Variants in KCNQ3 observed in about 807,000 individuals in gnomAD.
KCNQ3 encodes potassium voltage-gated channel subfamily Q member 3, also known as potassium voltage-gated channel subfamily KQT member 3.
In KCNQ3, 30 loss-of-function variants were observed where a neutral mutation model predicts 92.5. That is an observed-to-expected ratio of 0.32 (90% CI 0.24 to 0.44). KCNQ3 has a LOEUF of 0.44. KCNQ3 is among the 20% of genes least tolerant of loss of function. The probability of loss-of-function intolerance (pLI) is 1.00; values close to 1 mark genes in which losing one functional copy is unlikely to be tolerated. For missense variants in KCNQ3, 913 were observed against 1,140.3 expected, an observed-to-expected ratio of 0.80 and a Z score of 2.87; for synonymous variants, 450 against 468.8, an observed-to-expected ratio of 0.96 and a Z score of 0.52.
At chr8:132,435,634 G>C (rs1260310652) in intron 1 of KCNQ3, among the ~76,000 whole-genome samples, 3 of 152,178 alleles carry the variant, frequency 2.0e-5, no homozygotes, top group African/African-American at 7.2e-5. Flanking sequence ...GTAGTGAACA[G>C]GAGCTCAAGG....
At chr8:132,240,850 C>T (rs961523461) in intron 1 of KCNQ3, among the ~76,000 whole-genome samples, 10 of 151,986 alleles carry the variant, frequency 6.6e-5, no homozygotes, top group Non-Finnish European at 1.2e-4. Flanking sequence ...TGTATGTTAA[C>T]TCCTTTAATT....
intron 1 of KCNQ3, among the ~76,000 whole-genome samples, chr8:132,337,214 C>T (rs941989333): frequency 3.3e-5 from 5 of 152,178 alleles, no homozygotes; most frequent in Non-Finnish European, 5.9e-5. Context: ...CTGAGCATGG[C>T]GGCTCATGCC....
At chr8:132,270,697 A>G (rs1421013938) in intron 1 of KCNQ3, among the ~76,000 whole-genome samples, 5 of 152,216 alleles carry the variant, frequency 3.3e-5, no homozygotes, top group Non-Finnish European at 7.3e-5. Context: ...AATATCTACA[A>G]TATGTATTTT....
chr8:132,159,750 G>A (rs952928963), intron 9 of KCNQ3, among the ~76,000 whole-genome samples: 2 of 152,206 alleles, frequency 1.3e-5, no homozygotes, highest in African/African-American at 4.8e-5. Flanking sequence ...TCTGATGGCT[G>A]CCTATGTGAA....
Position 132,134,290 on chromosome 8 carries a change from C to T in KCNQ3, c.1799G>A (p.Arg600Lys), listed in dbSNP as rs1554622023. 1 of 1,612,830 alleles carries T rather than the reference C, an allele frequency of 6.2e-7. No individual in the cohort carries two copies. Among genetic ancestry groups the T allele is most frequent in the Non-Finnish European group, 8.5e-7 (1 of 1,179,110 alleles). ...ATCAGTCCATGTCCACTGGCCCCACCTGGGAGATTGCTGGGATGGGAAGGT... is the reference window on the plus strand; with the variant it reads ...ATCAGTCCATGTCCACTGGCCCCACTTGGGAGATTGCTGGGATGGGAAGGT... ...AFTFPSQQSP[R>K]NEPYVARPST... The change falls in exon 13 of 15, where the codon AGG becomes AAG. Residue 600 changes from arginine to lysine, a missense_variant and splice_region_variant. By Grantham distance (26) the Arg-to-Lys change is conservative (BLOSUM62 2). Transcript: ENST00000388996.
chr8:132,403,016 C>CAAAAAAAAAAAAAAAA lies in KCNQ3; in HGVS notation c.386+77115_386+77130dup, dbSNP rs375099145. Among the ~76,000 whole-genome samples, 148 of 67,614 alleles carry CAAAAAAAAAAAAAAAA rather than the reference C, an allele frequency of 2.2e-3. 21 individuals carry two copies. The highest frequency in any genetic ancestry group is 0.011 in the African/African-American group (126 of 11,690). 44.4% of individuals were successfully genotyped at this position (67,614 alleles called of 152,430 possible). A position where few individuals can be genotyped will look rare whatever the true frequency, so the allele number is the denominator to read the frequency against. On this transcript the variant is annotated intron_variant, in intron 1 of 14. Coordinates refer to ENST00000388996, the MANE Select transcript of KCNQ3 (RefSeq NM_004519.4). Reference sequence around the variant, plus strand: ...CTGGCAACAGGGCGAGGCACCATCACAAAAAAAAAAAAAAAAGTGTCAATA... The same window carrying CAAAAAAAAAAAAAAAA: ...CTGGCAACAGGGCGAGGCACCATCACAAAAAAAAAAAAAAAAAAAAAAAAAAAAAAAAGTGTCAATA...
At chr8:132,461,881 A>G (rs1822068947) in intron 1 of KCNQ3, among the ~76,000 whole-genome samples, 1 of 152,036 alleles carries the variant, frequency 6.6e-6, no homozygotes, top group African/African-American at 2.4e-5. Context: ...TGTTTTCCTT[A>G]TTGTTGAATT....
intron 1 of KCNQ3, among the ~76,000 whole-genome samples, chr8:132,319,683 A>T (rs1295123365): frequency 1.3e-5 from 2 of 152,168 alleles, no homozygotes; most frequent in Non-Finnish European, 2.9e-5. Context: ...TGATGGCCAC[A>T]AGTCCCTCTG....
chr8:132,398,124 T>A (rs1176486703), intron 1 of KCNQ3, among the ~76,000 whole-genome samples: 1 of 152,178 alleles, frequency 6.6e-6, no homozygotes, highest in African/African-American at 2.4e-5. Context: ...TTTTAAATCA[T>A]CAAGTTTTTA....
chr8:132,161,404 G>A (rs1213405274), intron 9 of KCNQ3, among the ~76,000 whole-genome samples: 5 of 152,272 alleles, frequency 3.3e-5, no homozygotes, highest in Admixed American at 1.3e-4. Flanking sequence ...CAAGACGGGC[G>A]GATCACCTGA....
chr8:132,368,245 G>C (rs2130733713), intron 1 of KCNQ3, among the ~76,000 whole-genome samples: 1 of 152,286 alleles, frequency 6.6e-6, no homozygotes, highest in East Asian at 1.9e-4. Flanking sequence ...GTTAAGTGAG[G>C]ACTTGCTATA....
intron 1 of KCNQ3, among the ~76,000 whole-genome samples, chr8:132,306,210 C>G (rs1817417533): frequency 6.6e-6 from 1 of 152,212 alleles, no homozygotes; most frequent in African/African-American, 2.4e-5. Flanking sequence ...CTCCTTCTCT[C>G]AAATGAGTGT....
intron 1 of KCNQ3, among the ~76,000 whole-genome samples, chr8:132,402,107 A>C (rs1013198887): frequency 1.3e-5 from 2 of 152,162 alleles, no homozygotes; most frequent in Non-Finnish European, 2.9e-5. Flanking sequence ...TGGAATGTTA[A>C]TTCTGGAGAT....
intron 1 of KCNQ3, among the ~76,000 whole-genome samples, chr8:132,458,934 GT>G (rs1156768374): frequency 1.3e-5 from 2 of 152,092 alleles, no homozygotes; most frequent in African/African-American, 4.8e-5. Flanking sequence ...GATTCCCTTA[GT>G]TTTTACTTAA....
At chr8:132,326,637 C>T (rs185436801) in intron 1 of KCNQ3, among the ~76,000 whole-genome samples, 49 of 152,272 alleles carry the variant, frequency 3.2e-4, no homozygotes, top group African/African-American at 1.0e-3. Context: ...GATCTCTTCC[C>T]TCCCCACTGC....
At chr8:132,377,274 G>A (rs1819636003) in intron 1 of KCNQ3, among the ~76,000 whole-genome samples, 1 of 152,188 alleles carries the variant, frequency 6.6e-6, no homozygotes, top group Admixed American at 6.5e-5. Flanking sequence ...CTGGTTCTCA[G>A]GCCTTCATAG....
intron 1 of KCNQ3, among the ~76,000 whole-genome samples, chr8:132,259,754 C>G (rs1233576956): frequency 1.3e-5 from 2 of 151,998 alleles, no homozygotes; most frequent in Non-Finnish European, 2.9e-5. Context: ...CAAATAATCT[C>G]AAGGAAGTCA....
chr8:132,186,271 G>T, intron 1 of KCNQ3, 90 bp from the exon 2 acceptor site: 1 of 885,338 alleles, frequency 1.1e-6, no homozygotes, highest in East Asian at 2.5e-5. Flanking sequence ...CCAGGATGAA[G>T]CTGCAACTTC....
chr8:132,364,322 G>T (rs547235718), intron 1 of KCNQ3, among the ~76,000 whole-genome samples: 15 of 152,304 alleles, frequency 9.8e-5, no homozygotes, highest in African/African-American at 3.6e-4. Flanking sequence ...CCAATCTAGG[G>T]CTCCAAGTGT....
Sources: gnomAD v4.1 joint callset for allele counts (sites outside exome capture counted in the v4.1 genomes callset) on GRCh38, gnomAD v4.1.1 for gene constraint, MANE v1.5 for transcripts, NCBI Gene and HGNC (gene_info 2026-07-23, HGNC 2026-07-21) for gene names.